The following SASH1 variants were observed in gnomAD, a reference collection of about 807,000 sequenced individuals.
The protein encoded by SASH1 is SAM and SH3 domain containing 1.
In SASH1, 44 loss-of-function variants were observed where a neutral mutation model predicts 125.2. The observed-to-expected ratio is 0.35, with a 90% confidence interval of 0.28 to 0.45. The LOEUF (loss-of-function observed/expected upper bound fraction) is 0.45, where lower values mean the gene tolerates loss of function less well. SASH1 is among the 20% of genes least tolerant of loss of function. The pLI is 1.00. For synonymous variants in SASH1, 639 were observed against 649.1 expected (o/e 0.98, Z 0.24); for missense variants, 1,426 against 1,614.5 (o/e 0.88, Z 2.00).
intron 1 of SASH1, among the ~76,000 whole-genome samples, chr6:148,279,345 T>C (rs2495951): frequency 0.96 from 146,459 of 152,282 alleles, 70,467 homozygotes; most frequent in African/African-American, 0.99. Flanking sequence ...CTTGGCAGGG[T>C]TATTGTGAGG....
chr6:148,321,671 A>C (rs1780636941), intron 1 of SASH1, among the ~76,000 whole-genome samples: 1 of 152,206 alleles, frequency 6.6e-6, no homozygotes, highest in Non-Finnish European at 1.5e-5. Flanking sequence ...CAGGATTTAC[A>C]ACTTATTTTC....
chr6:148,344,902 C>T (rs149304694), intron 1 of SASH1, among the ~76,000 whole-genome samples: 6,834 of 151,990 alleles, frequency 0.045, 210 homozygotes, highest in Admixed American at 0.071. Flanking sequence ...ATTACAGGCG[C>T]GCAACACCAC....
intron 8 of SASH1, among the ~76,000 whole-genome samples, chr6:148,491,427 G>A (rs1779105526): frequency 6.6e-6 from 1 of 152,068 alleles, no homozygotes; most frequent in Non-Finnish European, 1.5e-5. Flanking sequence ...GCGCCACGAC[G>A]CCAAGCTAAT....
At chr6:148,354,441 A>G (rs894522063) in intron 1 of SASH1, among the ~76,000 whole-genome samples, 1 of 152,162 alleles carries the variant, frequency 6.6e-6, no homozygotes, top group Non-Finnish European at 1.5e-5. Flanking sequence ...TCATGAATGT[A>G]CTAAATTGGT....
At chr6:148,454,987 C>T (rs1202876769) in intron 4 of SASH1, among the ~76,000 whole-genome samples, 2 of 152,182 alleles carry the variant, frequency 1.3e-5, no homozygotes, top group African/African-American at 4.8e-5. Context: ...GTATTTGCCA[C>T]TTGTTTTATC....
the SASH1 span, among the ~76,000 whole-genome samples, chr6:148,218,685 C>A: frequency 6.6e-6 from 1 of 152,170 alleles, no homozygotes; most frequent in Non-Finnish European, 1.5e-5. Flanking sequence ...AAAACTGACT[C>A]CTGCTAGCAG....
At chr6:148,217,983 C>G in the SASH1 span, among the ~76,000 whole-genome samples, 1 of 150,970 alleles carries the variant, frequency 6.6e-6, no homozygotes, top group Non-Finnish European at 1.5e-5. Flanking sequence ...CCACTGCACT[C>G]CAGCCTGGGT....
At chr6:148,315,802 G>C (rs1484821565) in intron 1 of SASH1, among the ~76,000 whole-genome samples, 1 of 152,176 alleles carries the variant, frequency 6.6e-6, no homozygotes, top group Non-Finnish European at 1.5e-5. Flanking sequence ...TGTTCAGGAG[G>C]CTGAGATAGA....
the SASH1 span, among the ~76,000 whole-genome samples, chr6:148,196,780 A>G: frequency 6.6e-6 from 1 of 152,260 alleles, no homozygotes; most frequent in African/African-American, 2.4e-5. Context: ...GGCATGGTTC[A>G]GAAATTAAGT....
the SASH1 span, among the ~76,000 whole-genome samples, chr6:148,202,555 G>T: frequency 2.0e-5 from 3 of 152,320 alleles, no homozygotes; most frequent in East Asian, 5.8e-4. Context: ...AGGCTTAGCA[G>T]GAAGAGAGAT....
chr6:148,242,238 A>C, the SASH1 span, among the ~76,000 whole-genome samples: 3 of 152,348 alleles, frequency 2.0e-5, no homozygotes, highest in East Asian at 5.8e-4. Context: ...GCTAAAATAA[A>C]GTCATTGTGA....
chr6:148,455,787 C>G (rs1457942321), intron 4 of SASH1, among the ~76,000 whole-genome samples: 1 of 152,204 alleles, frequency 6.6e-6, no homozygotes, highest in East Asian at 1.9e-4. Flanking sequence ...TGCCGCGTGT[C>G]CATGCTGCCC....
intron 1 of SASH1, among the ~76,000 whole-genome samples, chr6:148,315,701 C>A (rs552817199): frequency 6.6e-6 from 1 of 152,136 alleles, no homozygotes; most frequent in African/African-American, 2.4e-5. Context: ...CCCAGGAATT[C>A]GAGACCTGCC....
At chr6:148,444,245 A>C (rs984608328) in intron 4 of SASH1, among the ~76,000 whole-genome samples, 1 of 152,160 alleles carries the variant, frequency 6.6e-6, no homozygotes, top group Non-Finnish European at 1.5e-5. Flanking sequence ...GGCCTTAATT[A>C]TGTTTCAAAT....
chr6:148,279,852 T>C (rs971606982), intron 1 of SASH1, among the ~76,000 whole-genome samples: 16 of 151,802 alleles, frequency 1.1e-4, no homozygotes, highest in African/African-American at 3.9e-4. Flanking sequence ...CTGGGTGTGG[T>C]GGTGCATGCC....
chr6:148,208,496 A>C, the SASH1 span, among the ~76,000 whole-genome samples: 6,481 of 152,176 alleles, frequency 0.043, 184 homozygotes, highest in Non-Finnish European at 0.059. Flanking sequence ...ATTGTGAAAT[A>C]ATAAACCTCC....
At chr6:148,314,955 A>G (rs1780443031) in intron 1 of SASH1, among the ~76,000 whole-genome samples, 1 of 151,768 alleles carries the variant, frequency 6.6e-6, no homozygotes, top group African/African-American at 2.4e-5. Context: ...CTGGTGTTTC[A>G]CCATGTTGGT....
intron 4 of SASH1, among the ~76,000 whole-genome samples, chr6:148,461,635 C>A (rs1299562346): frequency 6.6e-6 from 1 of 152,184 alleles, no homozygotes; most frequent in Non-Finnish European, 1.5e-5. Context: ...TGACCTCTTA[C>A]AACTTGGGCT....
intron 1 of SASH1, among the ~76,000 whole-genome samples, chr6:148,328,737 G>A (rs191939506): frequency 2.6e-4 from 39 of 152,270 alleles, no homozygotes; most frequent in African/African-American, 7.5e-4. Flanking sequence ...CTAAATTAAA[G>A]TAGATTTATT....
Sources: gnomAD v4.1 joint callset for allele counts (sites outside exome capture counted in the v4.1 genomes callset) on GRCh38, gnomAD v4.1.1 for gene constraint, MANE v1.5 for transcripts, NCBI Gene and HGNC (gene_info 2026-07-23, HGNC 2026-07-21) for gene names.